The following DOCK10 variants were observed in gnomAD, a reference collection of about 807,000 sequenced individuals.
DOCK10 encodes the protein dedicator of cytokinesis protein 10.
A neutral mutation model predicts 280.1 loss-of-function variants in DOCK10; 145 were observed. That is an observed-to-expected ratio of 0.52 (90% CI 0.45 to 0.59). DOCK10 has a LOEUF of 0.59. DOCK10 is among the 20% of genes least tolerant of loss of function. The pLI is 0.00. For synonymous variants in DOCK10, 915 were observed against 942.2 expected (o/e 0.97, Z 0.53); for missense variants, 2,368 against 2,651.7 (o/e 0.89, Z 2.35).
At chr2:224,875,897 T>G in intron 8 of DOCK10, 141 bp downstream of exon 8, 1 of 735,534 alleles carries the variant, frequency 1.4e-6, no homozygotes, top group Non-Finnish European at 2.1e-6. Flanking sequence ...GATTTAGGAG[T>G]GATTTAGTGA....
intron 2 of DOCK10, among the ~76,000 whole-genome samples, chr2:224,930,460 CT>C (rs1291195524): frequency 6.6e-6 from 1 of 151,940 alleles, no homozygotes; most frequent in African/African-American, 2.4e-5. Context: ...GGAAGAGTTT[CT>C]TTCTTTCTGT....
At chr2:224,950,697 TC>T (rs1159429687) in intron 1 of DOCK10, among the ~76,000 whole-genome samples, 1 of 152,168 alleles carries the variant, frequency 6.6e-6, no homozygotes, top group Admixed American at 6.5e-5. Context: ...AAAGGGAAAG[TC>T]CAGCTGTTAT....
chr2:224,856,854 AC>A lies in DOCK10; in HGVS notation c.1808+5del, dbSNP rs781284192. On this transcript the variant is annotated splice_donor_5th_base_variant and intron_variant, in intron 15 of 55. Transcript: ENST00000258390. ...TGTTAATTTCGAGAGTATAAAAAAA[AC>A]ATACCTTCTATAATCTGATACTAGT... is the stretch of plus-strand genomic sequence containing the variant. 20 of 1,598,568 alleles carry A rather than the reference AC, an allele frequency of 1.3e-5. No homozygotes were observed. The highest frequency in any genetic ancestry group is 2.2e-5 in the East Asian group (1 of 44,652).
intron 3 of DOCK10, among the ~76,000 whole-genome samples, chr2:224,900,277 TA>T (rs556099425): frequency 1.0e-3 from 146 of 146,180 alleles, no homozygotes; most frequent in East Asian, 3.4e-3. Context: ...ATGATACTAG[TA>T]AAAAAAAAAA....
chr2:224,916,937 T>TCTAGGAGA (rs1259472136), intron 2 of DOCK10, among the ~76,000 whole-genome samples, 153 bp from the exon 3 acceptor site: 1 of 152,136 alleles, frequency 6.6e-6, no homozygotes, highest in African/African-American at 2.4e-5. Flanking sequence ...CAATTTAATC[T>TCTAGGAGA]CTAGGAGAGA....
At chr2:225,019,783 T>C (rs1689737204) in intron 1 of DOCK10, among the ~76,000 whole-genome samples, 1 of 152,188 alleles carries the variant, frequency 6.6e-6, no homozygotes, top group African/African-American at 2.4e-5. Context: ...GTTTTTAATG[T>C]TCGGTTCTCA....
chr2:224,928,746 C>G (rs990319991), intron 2 of DOCK10, among the ~76,000 whole-genome samples: 2 of 152,168 alleles, frequency 1.3e-5, no homozygotes, highest in Admixed American at 1.3e-4. Flanking sequence ...ATCTCTTGGG[C>G]AGAGATTAAT....
intron 28 of DOCK10, among the ~76,000 whole-genome samples, chr2:224,822,236 C>T (rs138117969): frequency 1.4e-4 from 22 of 152,308 alleles, no homozygotes; most frequent in African/African-American, 4.3e-4. Flanking sequence ...TAATTGCTTG[C>T]ATTATCTGTT....
intron 15 of DOCK10, 72 bp downstream of exon 15, chr2:224,856,788 A>G: frequency 7.3e-7 from 1 of 1,375,258 alleles, no homozygotes; most frequent in Non-Finnish European, 9.8e-7. Context: ...TGAGATCCTC[A>G]GGTATTTATG....
At chr2:224,857,867 G>T (rs962325397) in intron 14 of DOCK10, among the ~76,000 whole-genome samples, 3 of 151,758 alleles carry the variant, frequency 2.0e-5, no homozygotes, top group Non-Finnish European at 4.4e-5. Flanking sequence ...AGGCTGAAAT[G>T]GCCATTTAAA....
intron 1 of DOCK10, chr2:224,946,750 G>A (rs1703442596): frequency 4.6e-6 from 4 of 867,564 alleles, no homozygotes; most frequent in East Asian, 6.1e-5. Context: ...ACTTCACCCA[G>A]CAGCCTCTGC....
At chr2:224,814,731 A>G (rs1694011988) in intron 30 of DOCK10, among the ~76,000 whole-genome samples, 2 of 152,180 alleles carry the variant, frequency 1.3e-5, no homozygotes, top group Non-Finnish European at 2.9e-5. Context: ...CATGTTGGCT[A>G]GGCTGGTCTC....
At chr2:225,019,909 A>G (rs1171793653) in intron 1 of DOCK10, among the ~76,000 whole-genome samples, 2 of 152,238 alleles carry the variant, frequency 1.3e-5, no homozygotes, top group Non-Finnish European at 2.9e-5. Flanking sequence ...TGACCAATTG[A>G]CAAAGCTGAA....
intron 11 of DOCK10, among the ~76,000 whole-genome samples, chr2:224,867,839 G>A (rs1008532787): frequency 6.6e-6 from 1 of 152,148 alleles, no homozygotes; most frequent in African/African-American, 2.4e-5. Context: ...TGTTTCACAG[G>A]GGCATGAATA....
rs776967637 is a variant in DOCK10, at chr2:224,885,632, A to T, written c.747+39T>A. 7 of 1,169,766 alleles carry T rather than the reference A, an allele frequency of 6.0e-6. No homozygotes were observed. In the African/African-American group the frequency reaches 1.7e-4, roughly 28 times the overall value. 72.5% of individuals were successfully genotyped at this position (1,169,766 alleles called of 1,614,324 possible). Reference sequence around the variant, plus strand: ...TATTTGTTAAATATACTTTTCAAATAAAAAAAAATCCCAAGGAGGAAAAGG... The same window carrying T: ...TATTTGTTAAATATACTTTTCAAATTAAAAAAAATCCCAAGGAGGAAAAGG... On this transcript the variant is annotated intron_variant, in intron 7 of 55. Coordinates refer to ENST00000258390, the MANE Select transcript of DOCK10 (RefSeq NM_014689.3).
At chr2:225,041,630 C>T (rs576159587) in intron 1 of DOCK10, among the ~76,000 whole-genome samples, 2 of 152,196 alleles carry the variant, frequency 1.3e-5, no homozygotes, top group Non-Finnish European at 2.9e-5. Flanking sequence ...ACCTAATGAC[C>T]CACGTCTCCT....
At chr2:224,917,640 G>T (rs957818401) in intron 2 of DOCK10, among the ~76,000 whole-genome samples, 1 of 152,020 alleles carries the variant, frequency 6.6e-6, no homozygotes, top group Admixed American at 6.6e-5. Flanking sequence ...TATTTTTGCT[G>T]AAATAAGAAA....
In DOCK10 at chr2:224,808,051, G is replaced by A. The variant is rs372881787; in HGVS notation, c.3445C>T (p.Arg1149Cys). Reference protein sequence around the residue: ...PEYSVTNEFCRKHFLIGILLR... With the variant: ...PEYSVTNEFCCKHFLIGILLR... ...AGAATTCCGATTAAGAAGTGTTTGC[G>A]ACAAAATTCATTTGTGACTGAATAT... is the stretch of plus-strand genomic sequence containing the variant. Residue 1149 changes from arginine to cysteine, a missense_variant, in exon 32 of 56, where the codon CGC (arginine) becomes TGC (cysteine). By Grantham distance (180) the Arg-to-Cys change is radical. Transcript: ENST00000258390. The A allele has an allele frequency of 7.7e-5, 124 of 1,612,232 alleles. No homozygotes were observed. In the South Asian group the frequency reaches 1.1e-3, roughly 14 times the overall value.
intron 2 of DOCK10, among the ~76,000 whole-genome samples, chr2:224,920,976 T>C (rs34766880): frequency 0.57 from 84,580 of 148,374 alleles, 24,854 homozygotes; most frequent in Non-Finnish European, 0.64. Context: ...TAAAGTGGGC[T>C]GGGCACGGTG....
Sources: gnomAD v4.1 joint callset for allele counts (sites outside exome capture counted in the v4.1 genomes callset) on GRCh38, gnomAD v4.1.1 for gene constraint, MANE v1.5 for transcripts, NCBI Gene and HGNC (gene_info 2026-07-23, HGNC 2026-07-21) for gene names.